ATRN: variants seen among roughly 807,000 people sequenced by gnomAD.
ATRN encodes attractin-2.
ATRN carries 54 observed loss-of-function variants against 178.7 expected under a neutral mutation model. The ratio of observed to expected loss-of-function variants is 0.30; its 90% CI spans 0.24 to 0.38. The LOEUF (loss-of-function observed/expected upper bound fraction) is 0.38, where lower values mean the gene tolerates loss of function less well. Among genes scored for constraint, ATRN ranks in the 10% least tolerant of loss-of-function variants. The pLI is 1.00. For synonymous variants in ATRN, 636 were observed against 663.0 expected, an observed-to-expected ratio of 0.96 and a Z score of 0.63; for missense variants, 1,443 against 1,815.1, an observed-to-expected ratio of 0.79 and a Z score of 3.73.
chr20:3,531,933 A>G (rs1336241067), intron 1 of ATRN, among the ~76,000 whole-genome samples: 1 of 152,176 alleles, frequency 6.6e-6, no homozygotes, highest in Non-Finnish European at 1.5e-5. Flanking sequence ...CCCAGCCTGG[A>G]CAACATAGCA....
chr20:3,547,249 T>G, intron 4 of ATRN, 35 bp from the exon 5 acceptor site: 1 of 1,503,168 alleles, frequency 6.7e-7, no homozygotes, highest in Non-Finnish European at 9.3e-7. Context: ...AAGCGTTGCG[T>G]TGTGTTAATG....
Position 3,562,292 on chromosome 20 carries a change from T to G in ATRN, c.1464T>G (p.Ser488Arg). 6.2e-7 allele frequency: 1 copy of G among 1,613,198 alleles called. No homozygotes were observed. The highest frequency in any genetic ancestry group is 8.5e-7 in the Non-Finnish European group (1 of 1,179,598). ...CCTTTCCAGATAAGAACACATGGAG[T>G]ATATTACACACCCAGGGTGCCCTTG... The part of the protein sequence containing the change: ...QEYDLDKNTW[S>R]ILHTQGALVQ... The change falls in exon 9 of 29, where the codon AGT becomes AGG. Residue 488 changes from serine (S) to arginine (R), a missense_variant. Physicochemically the swap from Ser to Arg is moderately radical, Grantham distance 110 (BLOSUM62 -1). Around this residue, in one of 4 missense-constraint regions of ATRN, gnomAD observed 862 missense variants for 972.1 expected, o/e 0.89. Coordinates refer to ENST00000262919, the MANE Select transcript of ATRN (RefSeq NM_139321.3).
At chr20:3,512,085 T>TTATATATATATATATATATATA (rs1212714416) in intron 1 of ATRN, among the ~76,000 whole-genome samples, 2 of 119,784 alleles carry the variant, frequency 1.7e-5, no homozygotes, top group African/African-American at 3.6e-5. Flanking sequence ...CTTTTTTCTT[T>TTATATATATATATATATATATA]TATATATATA....
intron 27 of ATRN, among the ~76,000 whole-genome samples, chr20:3,639,918 A>G (rs1019146680): frequency 8.5e-5 from 13 of 152,164 alleles, no homozygotes; most frequent in Middle Eastern, 3.2e-3. Flanking sequence ...AATCCTCTCT[A>G]TAGAAAAACA....
At chr20:3,642,152 G>GC (rs2087074181) in intron 27 of ATRN, among the ~76,000 whole-genome samples, 1 of 152,132 alleles carries the variant, frequency 6.6e-6, no homozygotes, top group Admixed American at 6.5e-5. Flanking sequence ...ACAGTGGTGT[G>GC]CGTCAGGCCC....
Position 3,584,789 on chromosome 20 carries a change from C to G in ATRN, c.3093C>G (p.Ala1031=). Residue 1031 remains alanine, a synonymous_variant, in exon 18 of 29, where the codon GCC becomes GCG. Coordinates refer to ENST00000262919, the MANE Select transcript of ATRN (RefSeq NM_139321.3). ...YKGPVKMPSQ[A]PTGNFYPQPL... is the part of the protein sequence containing the mutation. ...GACCAGTGAAGATGCCTTCGCAAGC[C>G]CCTACAGGAAATTTCTATCCACAGC... The G allele has an allele frequency of 6.2e-7, 1 of 1,614,118 alleles. No homozygotes were observed. Among genetic ancestry groups the G allele is most frequent in the Non-Finnish European group, 8.5e-7 (1 of 1,180,016 alleles).
At chr20:3,534,006 G>A (rs567975234) in intron 1 of ATRN, among the ~76,000 whole-genome samples, 26 of 152,252 alleles carry the variant, frequency 1.7e-4, no homozygotes, top group Admixed American at 3.3e-4. Flanking sequence ...GTGGCAAGGG[G>A]CATGGGAAAA....
chr20:3,604,526 T>G (rs2086654009), intron 24 of ATRN, among the ~76,000 whole-genome samples: 1 of 152,214 alleles, frequency 6.6e-6, no homozygotes. Context: ...ATAAACGTAT[T>G]CACTTCTTCA....
intron 1 of ATRN, among the ~76,000 whole-genome samples, chr20:3,522,483 C>T (rs1454290936): frequency 6.6e-6 from 1 of 152,166 alleles, no homozygotes; most frequent in African/African-American, 2.4e-5. Context: ...CATCTGTGGG[C>T]ACAGCTTCAG....
chr20:3,529,339 A>G (rs531459699), intron 1 of ATRN, among the ~76,000 whole-genome samples: 1 of 152,266 alleles, frequency 6.6e-6, no homozygotes, highest in East Asian at 1.9e-4. Flanking sequence ...CAGTGATTTC[A>G]TTTTGTATAT....
chr20:3,490,852 T>G, intron 1 of ATRN: 1 of 833,792 alleles, frequency 1.2e-6, no homozygotes, highest in Non-Finnish European at 2.1e-6. Context: ...TCCCTCAGGT[T>G]CCCACTGACC....
chr20:3,632,865 G>A lies in ATRN; in HGVS notation c.3864-1446G>A, dbSNP rs1321759353. Among the ~76,000 whole-genome samples the A allele has an allele frequency of 6.6e-6, 1 of 152,178 alleles. No individual in the cohort carries two copies. Among genetic ancestry groups the A allele is most frequent in the Non-Finnish European group, 1.5e-5 (1 of 68,036 alleles). On this transcript the variant is annotated intron_variant, in intron 25 of 28. Coordinates refer to ENST00000262919, the MANE Select transcript of ATRN (RefSeq NM_139321.3). The surrounding 1 kb of genome is among the most constrained non-coding windows in gnomAD (Gnocchi z 4.2). ...AAGTATTGATTAAAAAGACAATGTAGGCCAGTCACGTGAGGCCTGTAATCT... is the reference window on the plus strand; with the variant it reads ...AAGTATTGATTAAAAAGACAATGTAAGCCAGTCACGTGAGGCCTGTAATCT...
chr20:3,522,063 T>A lies in ATRN; in HGVS notation c.411-13190T>A, dbSNP rs190392877. ...CTTTGGCCTCCCAAAATGCTAGGGTTATAGACGTGAGCCAGAGTTTCTGTG... is the reference window on the plus strand; with the variant it reads ...CTTTGGCCTCCCAAAATGCTAGGGTAATAGACGTGAGCCAGAGTTTCTGTG... On this transcript the variant is annotated intron_variant, in intron 1 of 28. Transcript: ENST00000262919. 2.0e-5 allele frequency among the ~76,000 whole-genome samples: 3 copies of A among 152,306 alleles called. No individual in the cohort carries two copies. The East Asian group carries it at 5.8e-4, about 29-fold the overall frequency.
intron 23 of ATRN, 145 bp from the exon 24 acceptor site, chr20:3,603,960 T>G: frequency 1.6e-5 from 10 of 612,852 alleles, no homozygotes; most frequent in Non-Finnish European, 2.7e-5. Flanking sequence ...GAGGATTAAA[T>G]GAGATTGAGC....
At position 3,474,422 on chromosome 20, in the gene ATRN, C is replaced by T. The variant is rs148728917; in HGVS notation, c.410+2905C>T. 7.6e-3 allele frequency among the ~76,000 whole-genome samples: 1,160 copies of T among 152,160 alleles called. 11 individuals carry two copies. The highest frequency in any genetic ancestry group is 0.031 in the Middle Eastern group (9 of 294). On this transcript the variant is annotated intron_variant, in intron 1 of 28. Coordinates refer to ENST00000262919, the MANE Select transcript of ATRN (RefSeq NM_139321.3). Reference sequence around the variant, plus strand: ...TGACTCTGGTCTTTTAAAAAAAACTCAGTAGGCCAGGCGTGGTGGCTAACA... The same window carrying T: ...TGACTCTGGTCTTTTAAAAAAAACTTAGTAGGCCAGGCGTGGTGGCTAACA...
chr20:3,619,108 TA>T (rs2086876227), intron 24 of ATRN, among the ~76,000 whole-genome samples: 1 of 152,170 alleles, frequency 6.6e-6, no homozygotes, highest in African/African-American at 2.4e-5. Flanking sequence ...AGTACATACA[TA>T]CCTTGCGTTT....
chr20:3,618,241 C>T (rs1336873368), intron 24 of ATRN, among the ~76,000 whole-genome samples: 2 of 151,812 alleles, frequency 1.3e-5, no homozygotes, highest in East Asian at 3.9e-4. Flanking sequence ...GAGGGAGGGG[C>T]GGGGCTGATG....
Position 3,560,664 on chromosome 20 carries a change from T to G in ATRN, c.1206T>G (p.Asp402Glu). The change falls in exon 8 of 29, where the codon GAT becomes GAG. Residue 402 changes from aspartate to glutamate, a missense_variant and splice_region_variant. Asp to Glu is a conservative substitution (Grantham distance 45). Around this residue, in one of 4 missense-constraint regions of ATRN, gnomAD observed 862 missense variants for 972.1 expected, o/e 0.89. Coordinates refer to ENST00000262919, the MANE Select transcript of ATRN (RefSeq NM_139321.3). ...RYGHSLALYKDKIYMYGGKID... is the reference protein window; with the variant it reads ...RYGHSLALYKEKIYMYGGKID... ...TTTTGTTTGCATTTTTTTCCTAGGATAAAATTTACATGTATGGAGGAAAAA... is the reference window on the plus strand; with the variant it reads ...TTTTGTTTGCATTTTTTTCCTAGGAGAAAATTTACATGTATGGAGGAAAAA... 1 of 1,605,714 alleles carries G rather than the reference T, an allele frequency of 6.2e-7. No homozygotes were observed. The highest frequency in any genetic ancestry group is 1.3e-5 in the African/African-American group (1 of 74,844).
At chr20:3,490,294 G>T (rs1261806672) in intron 1 of ATRN, 22 of 1,119,326 alleles carry the variant, frequency 2.0e-5, no homozygotes, top group African/African-American at 3.1e-5. Context: ...GGTCAAGATG[G>T]GCTCCAGCAT....
Sources: allele counts gnomAD v4.1 joint callset (sites outside exome capture counted in the v4.1 genomes callset), GRCh38; gene constraint gnomAD v4.1.1; regional missense constraint gnomAD v4.1.1; non-coding constraint Gnocchi (gnomAD v3.1); transcripts MANE v1.5; gene names NCBI Gene and HGNC (gene_info 2026-07-23, HGNC 2026-07-21).